Variants in MGMT observed in about 807,000 individuals in gnomAD.
The protein encoded by MGMT is methylated-DNA--protein-cysteine methyltransferase.
A neutral mutation model predicts 15.9 loss-of-function variants in MGMT; 14 were observed. That is an observed-to-expected ratio of 0.88 (90% CI 0.58 to 1.37). The LOEUF (loss-of-function observed/expected upper bound fraction) is 1.37. MGMT is among the 40% of genes most tolerant of loss of function. The pLI is 0.00. For missense variants in MGMT, 282 were observed against 268.1 expected (o/e 1.05, Z -0.36); for synonymous variants, 130 against 118.2 (o/e 1.10, Z -0.65).
intron 3 of MGMT, among the ~76,000 whole-genome samples, chr10:129,713,828 A>G (rs1848261105): frequency 6.6e-6 from 1 of 152,122 alleles, no homozygotes; most frequent in Non-Finnish European, 1.5e-5. Context: ...ATCCCCGCCA[A>G]TGTCCTTCCC....
At chr10:129,668,951 C>G (rs1847690015) in intron 2 of MGMT, among the ~76,000 whole-genome samples, 2 of 150,610 alleles carry the variant, frequency 1.3e-5, no homozygotes, top group Non-Finnish European at 3.0e-5. Flanking sequence ...TGACTTAAAG[C>G]CTTTCCCTAC....
Position 129,628,727 on chromosome 10 carries a change from A to G in MGMT, c.126-79168A>G, listed in dbSNP as rs150409152. On this transcript the variant is annotated intron_variant, in intron 2 of 4. Transcript: ENST00000651593. The stretch of plus-strand genomic sequence containing the variant: ...GTGCCAAGAGACAAGTAGAGCTCAG[A>G]CTGCTGGGAGCGTTGGCTGGAATAA... 2.4e-4 allele frequency among the ~76,000 whole-genome samples: 37 copies of G among 152,328 alleles called. No homozygotes were observed. In the East Asian group the frequency reaches 6.8e-3, roughly 28 times the overall value.
chr10:129,583,107 G>A (rs1846576430), intron 2 of MGMT, among the ~76,000 whole-genome samples: 1 of 152,136 alleles, frequency 6.6e-6, no homozygotes, highest in Non-Finnish European at 1.5e-5. Flanking sequence ...GGGGAGAAAA[G>A]AAGTCTGTGT....
chr10:129,718,680 C>T (rs1178828020), intron 3 of MGMT, among the ~76,000 whole-genome samples: 1 of 152,168 alleles, frequency 6.6e-6, no homozygotes, highest in Non-Finnish European at 1.5e-5. Flanking sequence ...AGAGCTGGAC[C>T]ATGTGCCCAC....
At chr10:129,764,853 C>T (rs1343846754) in intron 4 of MGMT, among the ~76,000 whole-genome samples, 3 of 151,882 alleles carry the variant, frequency 2.0e-5, no homozygotes, top group Non-Finnish European at 2.9e-5. Flanking sequence ...GGAGAGGCCC[C>T]GGGTCTGCAG....
intron 1 of MGMT, among the ~76,000 whole-genome samples, chr10:129,529,137 G>C (rs1845902743): frequency 6.6e-6 from 1 of 151,968 alleles, no homozygotes; most frequent in South Asian, 2.1e-4. Flanking sequence ...CGGAGGCTGT[G>C]AAGCGAGAGC....
Position 129,596,090 on chromosome 10 carries a change from G to C in MGMT, c.125+59713G>C, listed in dbSNP as rs567624721. Among the ~76,000 whole-genome samples the C allele has an allele frequency of 3.6e-3, 521 of 146,482 alleles. 3 individuals carry two copies. The highest frequency in any genetic ancestry group is 9.6e-3 in the Admixed American group (141 of 14,722). ...CTGACATCATTGCTTACTTCCCCCT[G>C]CCCCGCCCTGCCCCTCCCTGCCCCA... On this transcript the variant is annotated intron_variant, in intron 2 of 4. Transcript: ENST00000651593.
At chr10:129,761,678 A>C (rs993305768) in intron 4 of MGMT, among the ~76,000 whole-genome samples, 1 of 152,216 alleles carries the variant, frequency 6.6e-6, no homozygotes, top group East Asian at 1.9e-4. Context: ...ACACATCGGC[A>C]CCCTGTCCCA....
At chr10:129,627,419 A>G (rs1026377288) in intron 2 of MGMT, among the ~76,000 whole-genome samples, 2 of 121,912 alleles carry the variant, frequency 1.6e-5, no homozygotes, top group Non-Finnish European at 3.9e-5. Context: ...CTACTCAAAA[A>G]AAAGAAAGAA....
intron 3 of MGMT, among the ~76,000 whole-genome samples, chr10:129,752,657 T>C (rs1848762285): frequency 6.6e-6 from 1 of 152,092 alleles, no homozygotes. Flanking sequence ...TATAATACTT[T>C]CTTTCACAGT....
intron 2 of MGMT, among the ~76,000 whole-genome samples, chr10:129,660,117 T>C (rs888723620): frequency 5.3e-5 from 8 of 152,222 alleles, no homozygotes; most frequent in African/African-American, 1.9e-4. Flanking sequence ...TCCTCCTTTC[T>C]CTCCTGTCAC....
chr10:129,669,174 AAATC>A (rs751926489), intron 2 of MGMT, among the ~76,000 whole-genome samples: 3 of 152,084 alleles, frequency 2.0e-5, no homozygotes, highest in Admixed American at 6.5e-5. Flanking sequence ...GTTTTTTTAA[AAATC>A]AACTTATTTT....
In MGMT at chr10:129,770,050, G is replaced by A. The variant is rs533261177; in HGVS notation, c.*3053G>A. Among the ~76,000 whole-genome samples the A allele has an allele frequency of 8.6e-4, 131 of 152,206 alleles. 1 individual carries two copies. The highest frequency in any genetic ancestry group is 3.0e-3 in the African/African-American group (123 of 41,528). ...AGAAACAGCTTACTGAACACCCCTC[G>A]GGTGGCTGGATGATGTGCTAGCAAC... On this transcript the variant is annotated 3_prime_UTR_variant, in exon 5 of 5. Coordinates refer to ENST00000651593, the MANE Select transcript of MGMT (RefSeq NM_002412.5).
intron 3 of MGMT, among the ~76,000 whole-genome samples, chr10:129,746,676 A>G (rs757473786): frequency 1.5e-4 from 23 of 152,288 alleles, no homozygotes; most frequent in Middle Eastern, 3.4e-3. Flanking sequence ...AACTCCATCC[A>G]GTAACTCCAT....
At chr10:129,646,754 A>ATATATATATTTTTTTTTTTTTTTTTT in intron 2 of MGMT, among the ~76,000 whole-genome samples, 14 of 86,658 alleles carry the variant, frequency 1.6e-4, no homozygotes, top group Admixed American at 3.6e-4. Flanking sequence ...ATATATATAT[A>ATATATATATTTTTTTTTTTTTTTTTT]TTTTCAGGGA....
At chr10:129,519,151 G>T (rs1845776909) in intron 1 of MGMT, among the ~76,000 whole-genome samples, 1 of 152,116 alleles carries the variant, frequency 6.6e-6, no homozygotes, top group Non-Finnish European at 1.5e-5. Flanking sequence ...TGTCTTCGAG[G>T]GGAAAGGCCT....
chr10:129,482,554 C>G (rs1429102198), intron 1 of MGMT, among the ~76,000 whole-genome samples: 1 of 152,088 alleles, frequency 6.6e-6, no homozygotes, highest in African/African-American at 2.4e-5. Context: ...TCTGTTGGTT[C>G]TTGGTTCATC....
intron 2 of MGMT, among the ~76,000 whole-genome samples, chr10:129,692,300 G>A (rs1042113430): frequency 3.9e-5 from 6 of 152,148 alleles, no homozygotes; most frequent in East Asian, 3.9e-4. Context: ...CCTGAGCGGC[G>A]GCTTCCAGGC....
chr10:129,763,199 T>TTCA, intron 4 of MGMT, among the ~76,000 whole-genome samples: 1 of 152,352 alleles, frequency 6.6e-6, no homozygotes, highest in East Asian at 1.9e-4. Context: ...GCTGTGATAT[T>TTCA]ATGAGCTTCT....
Sources: gnomAD v4.1 joint callset for allele counts (sites outside exome capture counted in the v4.1 genomes callset) on GRCh38, gnomAD v4.1.1 for gene constraint, MANE v1.5 for transcripts, NCBI Gene and HGNC (gene_info 2026-07-23, HGNC 2026-07-21) for gene names.